The following APBA2 variants were observed in gnomAD, a reference collection of about 807,000 sequenced individuals.
APBA2 encodes the protein amyloid-beta A4 precursor protein-binding family A member 2.
Under a neutral mutation model 75.0 loss-of-function variants are expected in APBA2, and 30 were observed. That is an observed-to-expected ratio of 0.40 (90% CI 0.30 to 0.54). APBA2 has a LOEUF of 0.54. Among genes scored for constraint, APBA2 ranks in the 20% least tolerant of loss-of-function variants. The pLI is 0.49. For missense variants in APBA2, 801 were observed against 1,016.1 expected (o/e 0.79, Z 2.88); for synonymous variants, 444 against 409.6 (o/e 1.08, Z -1.01).
chr15:29,107,909 A>T (rs902575514), intron 12 of APBA2, among the ~76,000 whole-genome samples: 2 of 152,144 alleles, frequency 1.3e-5, no homozygotes, highest in Non-Finnish European at 2.9e-5. Context: ...ATTCGGCATG[A>T]TGATGGCCCC....
At chr15:28,907,156 A>G (rs2033172778) in intron 1 of APBA2, among the ~76,000 whole-genome samples, 2 of 152,306 alleles carry the variant, frequency 1.3e-5, no homozygotes, top group East Asian at 1.9e-4. Flanking sequence ...TCAATCTAAA[A>G]TGTATTTTAG....
At chr15:28,896,913 C>T (rs1033170511) in intron 1 of APBA2, among the ~76,000 whole-genome samples, 1 of 152,094 alleles carries the variant, frequency 6.6e-6, no homozygotes. Flanking sequence ...ACAGTGGTCC[C>T]CAAACTCTCA....
chr15:28,963,237 C>T (rs2036568382), intron 2 of APBA2, among the ~76,000 whole-genome samples: 1 of 152,026 alleles, frequency 6.6e-6, no homozygotes, highest in Non-Finnish European at 1.5e-5. Flanking sequence ...ATAGGTCTTC[C>T]TAGAGTTGGG....
intron 1 of APBA2, among the ~76,000 whole-genome samples, chr15:28,913,065 C>T (rs558040433): frequency 1.3e-5 from 2 of 152,278 alleles, no homozygotes; most frequent in African/African-American, 4.8e-5. Context: ...TGCGTTTTGT[C>T]GTATATAAAG....
At chr15:29,087,260 T>G (rs2043328650) in intron 6 of APBA2, among the ~76,000 whole-genome samples, 1 of 151,488 alleles carries the variant, frequency 6.6e-6, no homozygotes. Context: ...TTGCCATTTT[T>G]TTTTAAAAAA....
intron 2 of APBA2, among the ~76,000 whole-genome samples, chr15:28,945,913 G>A (rs2035523494): frequency 6.6e-6 from 1 of 152,182 alleles, no homozygotes; most frequent in Non-Finnish European, 1.5e-5. Context: ...TGAGGAGGAG[G>A]ACTCTGGGCC....
At chr15:28,948,696 G>A (rs1358904110) in intron 2 of APBA2, among the ~76,000 whole-genome samples, 1 of 152,208 alleles carries the variant, frequency 6.6e-6, no homozygotes, top group African/African-American at 2.4e-5. Context: ...ATTATAGGCA[G>A]ATACTGTAAA....
At chr15:28,919,776 C>T (rs2033873194) in intron 1 of APBA2, among the ~76,000 whole-genome samples, 1 of 152,206 alleles carries the variant, frequency 6.6e-6, no homozygotes, top group African/African-American at 2.4e-5. Flanking sequence ...CCCGCTCCCC[C>T]AGGTCATCCT....
chr15:29,026,365 T>G (rs2040223677), intron 3 of APBA2, among the ~76,000 whole-genome samples: 1 of 152,322 alleles, frequency 6.6e-6, no homozygotes, highest in African/African-American at 2.4e-5. Context: ...AGCTTGAGTC[T>G]TCTTTTATAA....
intron 2 of APBA2, among the ~76,000 whole-genome samples, chr15:28,922,833 G>T (rs1243821272): frequency 6.6e-6 from 1 of 152,318 alleles, no homozygotes; most frequent in East Asian, 1.9e-4. Context: ...TGAGACCTTA[G>T]AAGCAGGCAC....
intron 3 of APBA2, among the ~76,000 whole-genome samples, chr15:29,045,822 T>G (rs2041298232): frequency 6.6e-6 from 1 of 152,196 alleles, no homozygotes; most frequent in African/African-American, 2.4e-5. Flanking sequence ...TTGTAGTCCT[T>G]GTTGCTGGGA....
At chr15:28,994,265 G>A (rs1014444588) in intron 2 of APBA2, among the ~76,000 whole-genome samples, 2 of 152,178 alleles carry the variant, frequency 1.3e-5, no homozygotes, top group African/African-American at 4.8e-5. Flanking sequence ...GGTGTGAAGG[G>A]ATTTTCTGAC....
At chr15:29,097,912 C>G (rs1337892117) in intron 8 of APBA2, among the ~76,000 whole-genome samples, 1 of 152,196 alleles carries the variant, frequency 6.6e-6, no homozygotes, top group Admixed American at 6.5e-5. Flanking sequence ...CAGTATTTAT[C>G]TTTCTGTGCC....
At chr15:28,963,248 A>AAGG (rs1273758142) in intron 2 of APBA2, among the ~76,000 whole-genome samples, 1 of 152,034 alleles carries the variant, frequency 6.6e-6, no homozygotes, top group Non-Finnish European at 1.5e-5. Context: ...TAGAGTTGGG[A>AAGG]AGGAGGGATG....
chr15:28,886,886 C>T (rs1238313679), intron 1 of APBA2, among the ~76,000 whole-genome samples: 1 of 152,246 alleles, frequency 6.6e-6, no homozygotes, highest in Admixed American at 6.5e-5. Flanking sequence ...GGCCCCTTCC[C>T]CATGGCAGGC....
intron 1 of APBA2, among the ~76,000 whole-genome samples, chr15:28,907,053 A>G (rs560143339): frequency 3.3e-5 from 5 of 152,326 alleles, no homozygotes; most frequent in African/African-American, 1.2e-4. Context: ...TTACTTAGAG[A>G]AAGGGTTTCT....
chr15:29,091,945 G>A (rs1193253305), intron 6 of APBA2, among the ~76,000 whole-genome samples: 1 of 152,200 alleles, frequency 6.6e-6, no homozygotes, highest in Non-Finnish European at 1.5e-5. Flanking sequence ...ATCCCCAGTG[G>A]AAGGGGCTCT....
At chr15:28,893,556 C>T (rs948341886) in intron 1 of APBA2, among the ~76,000 whole-genome samples, 13 of 152,156 alleles carry the variant, frequency 8.5e-5, no homozygotes, top group African/African-American at 3.1e-4. Flanking sequence ...TGGGTGAAGT[C>T]GAGGTTTTCC....
At chr15:28,926,258 T>A (rs977639396) in intron 2 of APBA2, among the ~76,000 whole-genome samples, 6 of 152,208 alleles carry the variant, frequency 3.9e-5, no homozygotes, top group Non-Finnish European at 7.4e-5. Flanking sequence ...TTCTCTCTCC[T>A]CTGGTTTCAA....
Sources: gnomAD v4.1 joint callset for allele counts (sites outside exome capture counted in the v4.1 genomes callset) on GRCh38, gnomAD v4.1.1 for gene constraint, MANE v1.5 for transcripts, NCBI Gene and HGNC (gene_info 2026-07-23, HGNC 2026-07-21) for gene names.